ELF1: variants seen among roughly 807,000 people sequenced by gnomAD.
ELF1 encodes the protein ETS-related transcription factor Elf-1.
Under a neutral mutation model 59.9 loss-of-function variants are expected in ELF1, and 24 were observed. The observed-to-expected ratio is 0.40, with a 90% CI of 0.29 to 0.56. ELF1 has a LOEUF of 0.56. ELF1 is among the 20% of genes least tolerant of loss of function. The probability of loss-of-function intolerance (pLI) is 0.44; values close to 1 mark genes in which losing one functional copy is unlikely to be tolerated. For missense variants in ELF1, 627 were observed against 742.2 expected, an observed-to-expected ratio of 0.84 and a Z score of 1.80; for synonymous variants, 248 against 266.2, an observed-to-expected ratio of 0.93 and a Z score of 0.67.
At chr13:41,019,604 T>A (rs757829852), upstream of ELF1, among the ~76,000 whole-genome samples, 1 of 152,140 alleles carries the variant, frequency 6.6e-6, no homozygotes, top group Admixed American at 6.5e-5. Context: ...TTTTAAAATA[T>A]AAAAATCTCA....
chr13:41,018,232 C>T (rs1875532471), intron 1 of ELF1, among the ~76,000 whole-genome samples: 1 of 152,174 alleles, frequency 6.6e-6, no homozygotes, highest in Admixed American at 6.5e-5. Flanking sequence ...TACTACTGCA[C>T]TCATCTTTAC....
chr13:40,996,258 G>C (rs539426927), intron 1 of ELF1, among the ~76,000 whole-genome samples: 5 of 152,108 alleles, frequency 3.3e-5, no homozygotes, highest in African/African-American at 1.2e-4. Flanking sequence ...CAGTTTGGCA[G>C]TTTCTTACAA....
At chr13:40,989,610 G>A (rs1425651199) in intron 1 of ELF1, among the ~76,000 whole-genome samples, 1 of 117,362 alleles carries the variant, frequency 8.5e-6, no homozygotes, top group Non-Finnish European at 2.1e-5. Context: ...TCAGTGTAAT[G>A]CACATGCATT....
intron 1 of ELF1, among the ~76,000 whole-genome samples, chr13:41,027,210 G>C (rs1875976396): frequency 1.3e-5 from 2 of 152,234 alleles, no homozygotes; most frequent in African/African-American, 4.8e-5. Flanking sequence ...GAAAATTGGT[G>C]ACAAAGAAAT....
At chr13:41,016,701 G>C (rs1875383018) in intron 1 of ELF1, among the ~76,000 whole-genome samples, 1 of 151,446 alleles carries the variant, frequency 6.6e-6, no homozygotes. Context: ...GATCACCCAA[G>C]GTCGGGAGTT....
In ELF1 at chr13:40,933,727, C is replaced by T. The variant is rs779828314; in HGVS notation, c.1558G>A (p.Val520Ile). 33 of 1,614,150 alleles carry T rather than the reference C, an allele frequency of 2.0e-5. No homozygotes were observed. In the Admixed American group the frequency reaches 2.5e-4, roughly 12 times the overall value. Residue 520 changes from valine (V) to isoleucine (I), a missense_variant, in exon 9 of 9, where the codon GTC becomes ATC. Physicochemically the swap from Val to Ile is conservative, Grantham distance 29. This residue lies in a region of ELF1 where 361 missense variants were observed against 396.1 expected (regional missense o/e 0.91). Transcript: ENST00000239882. ...AAGGATGGAGAGGAAGCCACACTGACGGTTCCATTGCAAATGGTCTGAACA... is the reference window on the plus strand; with the variant it reads ...AAGGATGGAGAGGAAGCCACACTGATGGTTCCATTGCAAATGGTCTGAACA... ...SNVQTICNGTVSVASSPSFSA... is the reference protein window; with the variant it reads ...SNVQTICNGTISVASSPSFSA...
At position 40,941,010 on chromosome 13, in the gene ELF1, T is replaced by C. The variant is rs781651094; in HGVS notation, c.1167A>G (p.Val389=). The C allele has an allele frequency of 3.1e-6, 5 of 1,614,216 alleles. No individual in the cohort carries two copies. Among genetic ancestry groups the C allele is most frequent in the Non-Finnish European group, 4.2e-6 (5 of 1,180,036 alleles). ...PTQLFRTVHV[V]QPVQAVPEGE... Reference sequence around the variant, plus strand: ...CCTCTGGGACAGCCTGTACTGGCTGTACTACATGAACAGTCCGGAAGAGCT... The same window carrying C: ...CCTCTGGGACAGCCTGTACTGGCTGCACTACATGAACAGTCCGGAAGAGCT... The change falls in exon 8 of 9, where the codon GTA becomes GTG. Residue 389 remains valine (V), a synonymous_variant. Coordinates refer to ENST00000239882, the MANE Select transcript of ELF1 (RefSeq NM_172373.4).
intron 1 of ELF1, among the ~76,000 whole-genome samples, chr13:41,005,016 C>T (rs1307194818): frequency 6.6e-6 from 1 of 152,114 alleles, no homozygotes; most frequent in Non-Finnish European, 1.5e-5. Context: ...TTCCTCTCAT[C>T]GTGGTTTAAC....
chr13:40,943,065 G>A lies in ELF1; in HGVS notation c.693C>T (p.Thr231=). ...ATTTAAAAATGCCTTTCTCTCGCTG[G>A]GTCCACTTGATGTATTTAGGACAAG... ...KATCPKYIKW[T]QREKGIFKLV... is the part of the protein sequence containing the mutation. Residue 231 remains threonine, a synonymous_variant, in exon 7 of 9, where the codon ACC becomes ACT. Transcript: ENST00000239882. 6.2e-7 allele frequency: 1 copy of A among 1,612,688 alleles called. No individual in the cohort carries two copies. The highest frequency in any genetic ancestry group is 8.5e-7 in the Non-Finnish European group (1 of 1,179,228).
chr13:41,047,414 TAC>T, intron 1 of ELF1, among the ~76,000 whole-genome samples: 1 of 152,348 alleles, frequency 6.6e-6, no homozygotes, highest in East Asian at 1.9e-4. Flanking sequence ...TGGTTTTATC[TAC>T]CTTTGGTCTT....
chr13:41,060,821 A>AT (rs1433535474), intron 1 of ELF1: 1 of 234,332 alleles, frequency 4.3e-6, no homozygotes, highest in Non-Finnish European at 8.7e-6. Context: ...GTGCTATGAG[A>AT]AACTGCCGTG....
intron 1 of ELF1, among the ~76,000 whole-genome samples, chr13:41,044,902 C>T (rs1443796989): frequency 3.9e-5 from 6 of 152,096 alleles, no homozygotes; most frequent in Admixed American, 3.3e-4. Flanking sequence ...TGGTAGAATT[C>T]GGCTGTGACT....
intron 1 of ELF1, among the ~76,000 whole-genome samples, chr13:41,043,351 T>C (rs902536686): frequency 3.3e-5 from 5 of 152,244 alleles, no homozygotes; most frequent in African/African-American, 1.2e-4. Context: ...GCCATTGCTT[T>C]TGGTGTTTTA....
chr13:40,976,168 C>CT (rs1320430017), intron 2 of ELF1, among the ~76,000 whole-genome samples: 1 of 152,104 alleles, frequency 6.6e-6, no homozygotes, highest in African/African-American at 2.4e-5. Flanking sequence ...TCTGAGCAAA[C>CT]AGTGGGGAAG....
At chr13:40,970,435 C>T (rs964865780) in intron 2 of ELF1, among the ~76,000 whole-genome samples, 8 of 152,164 alleles carry the variant, frequency 5.3e-5, no homozygotes, top group African/African-American at 1.7e-4. Context: ...GGGAAAAATA[C>T]GATCTCTATC....
At chr13:40,938,204 AC>A (rs1869914104) in intron 8 of ELF1, among the ~76,000 whole-genome samples, 1 of 152,200 alleles carries the variant, frequency 6.6e-6, no homozygotes, top group Admixed American at 6.5e-5. Context: ...TCCAATGTTT[AC>A]CAAGGGGCAA....
chr13:40,965,011 A>C (rs1872090470), intron 2 of ELF1, among the ~76,000 whole-genome samples: 1 of 152,186 alleles, frequency 6.6e-6, no homozygotes, highest in Non-Finnish European at 1.5e-5. Context: ...GTGGGTGTGC[A>C]CGCAGGCACA....
intron 3 of ELF1, 64 bp downstream of exon 3, chr13:40,958,772 C>T: frequency 6.8e-7 from 1 of 1,477,714 alleles, no homozygotes; most frequent in Non-Finnish European, 9.0e-7. Flanking sequence ...CCCACATCCT[C>T]AGGATTAGGA....
intron 5 of ELF1, among the ~76,000 whole-genome samples, chr13:40,945,954 G>A (rs191967400): frequency 2.3e-4 from 35 of 152,072 alleles, no homozygotes; most frequent in Admixed American, 1.6e-3. Context: ...AGCGATTCTC[G>A]TGCCTCAGCC....
Sources: gnomAD v4.1 joint callset for allele counts (sites outside exome capture counted in the v4.1 genomes callset) on GRCh38, gnomAD v4.1.1 for gene constraint, gnomAD v4.1.1 regional missense constraint, MANE v1.5 for transcripts, NCBI Gene and HGNC (gene_info 2026-07-23, HGNC 2026-07-21) for gene names.